TEC: variants seen among roughly 807,000 people sequenced by gnomAD.
TEC encodes tyrosine-protein kinase Tec.
In TEC, 72 loss-of-function variants were observed where a neutral mutation model predicts 93.0. The ratio of observed to expected loss-of-function variants is 0.77; its 90% CI spans 0.64 to 0.94. The LOEUF is 0.94. Ranked by LOEUF, TEC falls within the 40% of genes least tolerant of loss-of-function variation. The pLI, the probability that TEC is intolerant of heterozygous loss-of-function variation, is 0.00. For missense variants in TEC, 630 were observed against 757.9 expected, an observed-to-expected ratio of 0.83 and a Z score of 1.98; for synonymous variants, 249 against 247.7, an observed-to-expected ratio of 1.01 and a Z score of -0.05.
At chr4:48,228,699 A>T in intron 1 of TEC, 40 bp from the exon 2 acceptor site, 1 of 1,495,000 alleles carries the variant, frequency 6.7e-7, no homozygotes, top group Non-Finnish European at 8.9e-7. Flanking sequence ...TGACAGTTTA[A>T]TTTTCTATGG....
intron 2 of TEC, among the ~76,000 whole-genome samples, chr4:48,187,454 A>T (rs1355078528): frequency 6.6e-6 from 1 of 151,642 alleles, no homozygotes; most frequent in African/African-American, 2.4e-5. Flanking sequence ...AAAAAAAAGA[A>T]ATATGAAGGC....
chr4:48,246,292 G>A (rs55994932), intron 1 of TEC, among the ~76,000 whole-genome samples: 1 of 152,148 alleles, frequency 6.6e-6, no homozygotes, highest in African/African-American at 2.4e-5. Flanking sequence ...TAAATAAATG[G>A]AAAGACATCC....
chr4:48,215,367 C>T (rs1275811499), intron 2 of TEC, among the ~76,000 whole-genome samples: 8 of 151,956 alleles, frequency 5.3e-5, no homozygotes, highest in Admixed American at 2.0e-4. Flanking sequence ...ATTAGCCAGG[C>T]GTGGTGGCAC....
chr4:48,211,864 G>A (rs1341620455), intron 2 of TEC, among the ~76,000 whole-genome samples: 2 of 151,940 alleles, frequency 1.3e-5, no homozygotes, highest in East Asian at 3.9e-4. Context: ...TTGGGAGGCC[G>A]AGGTAGGTGG....
chr4:48,231,097 T>TG (rs1723632402), intron 1 of TEC, among the ~76,000 whole-genome samples: 1 of 152,246 alleles, frequency 6.6e-6, no homozygotes, highest in Non-Finnish European at 1.5e-5. Flanking sequence ...TTCCAGGTTT[T>TG]TTTATTCAGT....
chr4:48,190,544 A>G lies in TEC; in HGVS notation c.139-14358T>C, dbSNP rs181751701. ...AGCATTTATAATCGAGGTAGGAAAT[A>G]AGTCATGGACAGCATTTTGACGCCC... On this transcript the variant is annotated intron_variant, in intron 2 of 17. Transcript: ENST00000381501. 3.1e-3 allele frequency among the ~76,000 whole-genome samples: 475 copies of G among 152,356 alleles called. 3 individuals carry two copies. Among genetic ancestry groups the G allele is most frequent in the Non-Finnish European group, 2.2e-3 (151 of 68,028 alleles).
At chr4:48,183,178 G>A (rs1422701425) in intron 2 of TEC, among the ~76,000 whole-genome samples, 1 of 152,148 alleles carries the variant, frequency 6.6e-6, no homozygotes, top group African/African-American at 2.4e-5. Flanking sequence ...TAAGCCATAC[G>A]ACCTAGGGCA....
chr4:48,144,617 G>A (rs1719826066), intron 14 of TEC, among the ~76,000 whole-genome samples: 1 of 152,210 alleles, frequency 6.6e-6, no homozygotes, highest in Non-Finnish European at 1.5e-5. Context: ...CCAGTGATTT[G>A]AGAGATTTTT....
chr4:48,156,580 T>A, intron 9 of TEC, 100 bp downstream of exon 9: 4 of 1,093,280 alleles, frequency 3.7e-6, no homozygotes, highest in Non-Finnish European at 5.2e-6. Context: ...ACTTGCTCAC[T>A]GCTGAACACA....
chr4:48,241,197 T>C (rs1295599886), intron 1 of TEC, among the ~76,000 whole-genome samples: 3 of 152,154 alleles, frequency 2.0e-5, no homozygotes, highest in Non-Finnish European at 4.4e-5. Flanking sequence ...ACTTATAATA[T>C]GTAGTGCTGC....
chr4:48,196,762 A>C (rs1722313928), intron 2 of TEC, among the ~76,000 whole-genome samples: 1 of 152,208 alleles, frequency 6.6e-6, no homozygotes, highest in African/African-American at 2.4e-5. Context: ...AATAGAAACG[A>C]CCAGTGTCTA....
intron 9 of TEC, among the ~76,000 whole-genome samples, chr4:48,156,293 C>A (rs1720396763): frequency 6.6e-6 from 1 of 152,164 alleles, no homozygotes; most frequent in South Asian, 2.1e-4. Flanking sequence ...GGTGTTTAAA[C>A]AATGCTTTCA....
intron 11 of TEC, among the ~76,000 whole-genome samples, chr4:48,148,521 C>T (rs751844087): frequency 3.6e-4 from 54 of 152,076 alleles, no homozygotes; most frequent in Non-Finnish European, 1.5e-4. Context: ...ACCAGAGATT[C>T]AAGACGGTTA....
At chr4:48,263,867 C>T (rs1338427343) in intron 1 of TEC, among the ~76,000 whole-genome samples, 2 of 152,126 alleles carry the variant, frequency 1.3e-5, no homozygotes, top group Admixed American at 6.5e-5. Flanking sequence ...GGTCCAAACT[C>T]GGCTCAGCGG....
intron 1 of TEC, among the ~76,000 whole-genome samples, chr4:48,239,773 A>G (rs1411673960): frequency 6.6e-6 from 1 of 152,152 alleles, no homozygotes; most frequent in Non-Finnish European, 1.5e-5. Flanking sequence ...AAAAAATTTA[A>G]GAACAAAAAT....
At position 48,171,404 on chromosome 4, in the gene TEC, G is replaced by A; in HGVS notation, c.289C>T (p.Gln97Ter). ...TTCTTCACCCACAGGTCCCTGCTTT[G>A]TGGACTAGGTGCAAAAATGTAAAGT... Reference protein sequence around the residue: ...NTLYIFAPSPQSRDLWVKKLK... With the variant: ...NTLYIFAPSP The change falls in exon 4 of 18, where the codon CAA (glutamine) becomes TAA (stop). Residue 97 changes from glutamine to a stop codon, truncating the protein, a stop_gained. Transcript: ENST00000381501. LOFTEE classifies it high-confidence loss of function. 6.2e-7 allele frequency: 1 copy of A among 1,613,668 alleles called. No individual in the cohort carries two copies. Among genetic ancestry groups the A allele is most frequent in the Non-Finnish European group, 8.5e-7 (1 of 1,179,856 alleles).
At chr4:48,163,618 C>G (rs1296973192) in intron 8 of TEC, 84 bp downstream of exon 8, 4 of 838,348 alleles carry the variant, frequency 4.8e-6, no homozygotes, top group Non-Finnish European at 7.5e-6. Context: ...TGAAAGATAT[C>G]CATTAATCTT....
intron 1 of TEC, among the ~76,000 whole-genome samples, chr4:48,234,060 A>T (rs1004429560): frequency 6.6e-6 from 1 of 152,224 alleles, no homozygotes; most frequent in Non-Finnish European, 1.5e-5. Context: ...AATATTAAGC[A>T]AGCTTAAATG....
intron 2 of TEC, among the ~76,000 whole-genome samples, chr4:48,195,637 C>T (rs969157908): frequency 1.3e-5 from 2 of 152,186 alleles, no homozygotes; most frequent in African/African-American, 4.8e-5. Context: ...TTAGCATCTG[C>T]AATTTACTGT....
Sources: gnomAD v4.1 joint callset for allele counts (sites outside exome capture counted in the v4.1 genomes callset) on GRCh38, gnomAD v4.1.1 for gene constraint, MANE v1.5 for transcripts, NCBI Gene and HGNC (gene_info 2026-07-23, HGNC 2026-07-21) for gene names.